DDB2: variants seen among roughly 807,000 people sequenced by gnomAD.
DDB2 encodes the protein DNA damage-binding protein 2.
DDB2 carries 27 observed loss-of-function variants against 50.5 expected under a neutral mutation model. The observed-to-expected ratio is 0.53, with a 90% CI of 0.39 to 0.74. DDB2 has a LOEUF of 0.74. Among genes scored for constraint, DDB2 ranks in the 30% least tolerant of loss-of-function variants. The pLI is 0.00. For synonymous variants in DDB2, 176 were observed against 205.5 expected, an observed-to-expected ratio of 0.86 and a Z score of 1.23; for missense variants, 424 against 545.6, an observed-to-expected ratio of 0.78 and a Z score of 2.22.
intron 2 of DDB2, 118 bp from the exon 3 acceptor site, chr11:47,216,740 T>C (rs1462472331): frequency 1.8e-6 from 2 of 1,136,252 alleles, no homozygotes; most frequent in Non-Finnish European, 2.6e-6. Flanking sequence ...GGCAGGCAGT[T>C]AGCTTTCCTT....
At chr11:47,221,481 A>G (rs1246181090) in intron 3 of DDB2, among the ~76,000 whole-genome samples, 1 of 151,462 alleles carries the variant, frequency 6.6e-6, no homozygotes, top group African/African-American at 2.4e-5. Context: ...GTTTCACTCT[A>G]TTGCCCAGGC....
chr11:47,234,791 C>G lies in DDB2; in HGVS notation c.737C>G (p.Thr246Arg), dbSNP rs151146343. 1 of 1,614,074 alleles carries G rather than the reference C, an allele frequency of 6.2e-7. No individual in the cohort carries two copies. The highest frequency in any genetic ancestry group is 1.3e-5 in the African/African-American group (1 of 74,928). ...CTCAGAATGCACAAAAAGAAAGTGA[C>G]GCATGTGGCCCTGAACCCATGCTGT... ...WNLRMHKKKVTHVALNPCCDW... is the reference protein window; with the variant it reads ...WNLRMHKKKVRHVALNPCCDW... Residue 246 changes from threonine (T) to arginine (R), a missense_variant, in exon 6 of 10, where the codon ACG (threonine) becomes AGG (arginine). Transcript: ENST00000256996.
intron 3 of DDB2, among the ~76,000 whole-genome samples, chr11:47,229,250 G>T (rs1361514836): frequency 6.6e-6 from 1 of 152,166 alleles, no homozygotes; most frequent in Non-Finnish European, 1.5e-5. Context: ...GTAGGCAGGG[G>T]TGAAGAGTAG....
At chr11:47,221,235 A>C (rs1201508190) in intron 3 of DDB2, among the ~76,000 whole-genome samples, 1 of 152,002 alleles carries the variant, frequency 6.6e-6, no homozygotes, top group Non-Finnish European at 1.5e-5. Context: ...AATATGATCC[A>C]AAATCCCCAT....
chr11:47,234,803 T>C lies in DDB2; in HGVS notation c.749T>C (p.Leu250Pro). 1 of 1,614,242 alleles carries C rather than the reference T, an allele frequency of 6.2e-7. No homozygotes were observed. The highest frequency in any genetic ancestry group is 8.5e-7 in the Non-Finnish European group (1 of 1,180,030). Residue 250 changes from leucine (L) to proline (P), a missense_variant, in exon 6 of 10, where the codon CTG becomes CCG. Physicochemically the swap from Leu to Pro is moderately conservative, Grantham distance 98 (BLOSUM62 -3). Coordinates refer to ENST00000256996, the MANE Select transcript of DDB2 (RefSeq NM_000107.3). The part of the protein sequence containing the change: ...MHKKKVTHVA[L>P]NPCCDWFLAT... ...AAAAAGAAAGTGACGCATGTGGCCC[T>C]GAACCCATGCTGTGATTGGTTCCTG...
At position 47,238,844 on chromosome 11, in the gene DDB2, A is replaced by T; in HGVS notation, c.1279A>T (p.Lys427Ter). 6.2e-7 allele frequency: 1 copy of T among 1,613,560 alleles called. No homozygotes were observed. ...IWSQEEARTR[K>*] ...GAGCCAGGAGGAAGCCAGGACACGG[A>T]AGTGAGAGACACTAAAGAAGGTGTG... Residue 427 changes from lysine to a stop codon, truncating the protein, a stop_gained, in exon 10 of 10, where the codon AAG (lysine) becomes TAG (stop). Transcript: ENST00000256996. LOFTEE classifies it high-confidence loss of function.
chr11:47,238,049 C>A (rs778775117), intron 8 of DDB2, 48 bp downstream of exon 8: 2 of 1,613,290 alleles, frequency 1.2e-6, no homozygotes, highest in Admixed American at 3.3e-5. Context: ...AGGGATTCAA[C>A]CTACCTTATT....
At chr11:47,224,775 T>C (rs2135496296) in intron 3 of DDB2, among the ~76,000 whole-genome samples, 1 of 141,636 alleles carries the variant, frequency 7.1e-6, no homozygotes, top group South Asian at 2.6e-4. Context: ...CTCTCTTCTC[T>C]TCCTCTTCCT....
rs139290057 is a variant in DDB2 at position 47,231,119 on chromosome 11, C to CAAAAAAAAA, written c.457-1678_457-1670dup. On this transcript the variant is annotated intron_variant, in intron 3 of 9. Transcript: ENST00000256996. ...TGGGCGACAGAGCAAGCCTTCATCT[C>CAAAAAAAAA]AAAAAAAAAAAAAAAAAAAAAAAAA... Among the ~76,000 whole-genome samples, 16 of 58,368 alleles carry CAAAAAAAAA rather than the reference C, an allele frequency of 2.7e-4. 1 individual carries two copies. The highest frequency in any genetic ancestry group is 4.9e-4 in the Admixed American group (2 of 4,088). 38.3% of individuals were successfully genotyped at this position (58,368 alleles called of 152,430 possible). A position where few individuals can be genotyped will look rare whatever the true frequency, so the allele number is the denominator to read the frequency against.
chr11:47,230,818 A>C (rs1430988974), intron 3 of DDB2, among the ~76,000 whole-genome samples: 2 of 152,200 alleles, frequency 1.3e-5, no homozygotes, highest in African/African-American at 4.8e-5. Context: ...TTGGGGATGT[A>C]AAGTTCTTAA....
At chr11:47,229,717 G>T (rs1013007818) in intron 3 of DDB2, 1 of 375,120 alleles carries the variant, frequency 2.7e-6, no homozygotes, top group African/African-American at 2.2e-5. Context: ...AGTATACAAA[G>T]TAAGACAGTT....
intron 3 of DDB2, among the ~76,000 whole-genome samples, chr11:47,219,925 C>G (rs575828033): frequency 6.6e-6 from 1 of 152,162 alleles, no homozygotes; most frequent in Non-Finnish European, 1.5e-5. Context: ...GTAGCTGGGA[C>G]TACTGGTGCC....
intron 3 of DDB2, among the ~76,000 whole-genome samples, chr11:47,227,704 T>A (rs1403517961): frequency 6.6e-6 from 1 of 152,242 alleles, no homozygotes; most frequent in East Asian, 1.9e-4. Context: ...CAACTTTGCA[T>A]TCTTGGAATA....
chr11:47,228,977 A>ATATCTATCTATCTATCTATCTATCTATC (rs59098720), intron 3 of DDB2, among the ~76,000 whole-genome samples: 67 of 124,684 alleles, frequency 5.4e-4, no homozygotes, highest in South Asian at 1.1e-3. Flanking sequence ...AAAAAAAGAA[A>ATATCTATCTATCTATCTATCTATCTATC]TATCTATCTA....
At chr11:47,215,956 TC>T (rs1953394545) in intron 1 of DDB2, 1 of 337,376 alleles carries the variant, frequency 3.0e-6, no homozygotes, top group Non-Finnish European at 5.7e-6. Flanking sequence ...TGCCCTAAAA[TC>T]TTTTTATTGT....
intron 7 of DDB2, among the ~76,000 whole-genome samples, chr11:47,236,878 G>C (rs1953732966): frequency 6.6e-6 from 1 of 152,208 alleles, no homozygotes; most frequent in African/African-American, 2.4e-5. Context: ...AGTCATTACA[G>C]CTTCCTGTGT....
intron 3 of DDB2, among the ~76,000 whole-genome samples, chr11:47,218,636 T>G (rs184185065): frequency 1.6e-4 from 24 of 152,160 alleles, no homozygotes; most frequent in African/African-American, 5.3e-4. Flanking sequence ...CTCTAGGACC[T>G]TTAGCCAGCC....
chr11:47,224,351 C>T (rs1449454473), intron 3 of DDB2, among the ~76,000 whole-genome samples: 2 of 152,130 alleles, frequency 1.3e-5, no homozygotes, highest in Admixed American at 1.3e-4. Context: ...GCCTCAGCCT[C>T]CCGAGTAGCT....
intron 3 of DDB2, among the ~76,000 whole-genome samples, chr11:47,226,325 G>T (rs1418547790): frequency 6.7e-6 from 1 of 150,162 alleles, no homozygotes; most frequent in African/African-American, 2.4e-5. Context: ...GCCCAGGCTG[G>T]AATGCAGTGG....
Sources: allele counts gnomAD v4.1 joint callset (sites outside exome capture counted in the v4.1 genomes callset), GRCh38; gene constraint gnomAD v4.1.1; transcripts MANE v1.5; gene names NCBI Gene and HGNC (gene_info 2026-07-23, HGNC 2026-07-21).